DYNC2LI1: variants seen among roughly 807,000 people sequenced by gnomAD.
The protein encoded by DYNC2LI1 is cytoplasmic dynein 2 light intermediate chain 1.
DYNC2LI1 carries 45 observed loss-of-function variants against 51.9 expected under a neutral mutation model. The observed-to-expected ratio is 0.87, with a 90% CI of 0.68 to 1.11. The LOEUF (loss-of-function observed/expected upper bound fraction) is 1.11. Among genes scored for constraint, DYNC2LI1 ranks in the 50% most tolerant of loss-of-function variants. DYNC2LI1 has a pLI of 0.00. For missense variants in DYNC2LI1, 490 were observed against 417.4 expected (o/e 1.17, Z -1.51); for synonymous variants, 130 against 137.8 (o/e 0.94, Z 0.40).
intron 11 of DYNC2LI1, 86 bp from the exon 12 acceptor site, chr2:43,805,068 G>T: frequency 1.2e-6 from 1 of 830,398 alleles, no homozygotes; most frequent in Non-Finnish European, 2.0e-6. Flanking sequence ...GCAGGCTGAG[G>T]AATGGGAGCT....
At chr2:43,826,615 G>T in the DYNC2LI1 span, 1 of 1,572,840 alleles carries the variant, frequency 6.4e-7, no homozygotes, top group Non-Finnish European at 8.7e-7. Flanking sequence ...TATTGAGTTT[G>T]TACCCCATTC....
intron 8 of DYNC2LI1, among the ~76,000 whole-genome samples, chr2:43,797,300 C>G (rs1317956444): frequency 1.3e-5 from 2 of 152,062 alleles, no homozygotes; most frequent in Non-Finnish European, 2.9e-5. Context: ...TTCACTTAAG[C>G]CTCATTGTCC....
chr2:43,805,104 T>C (rs376407986), intron 11 of DYNC2LI1, 50 bp from the exon 12 acceptor site: 12 of 1,209,294 alleles, frequency 9.9e-6, no homozygotes, highest in African/African-American at 9.1e-5. Flanking sequence ...ATGGTAGCCA[T>C]TGAATTTTGG....
In DYNC2LI1 at chr2:43,787,308, A is replaced by G. The variant is rs191885632; in HGVS notation, c.231+58A>G. 2.0e-4 allele frequency: 272 copies of G among 1,375,892 alleles called. 5 individuals carry two copies. The East Asian group carries it at 5.0e-3, about 25-fold the overall frequency. 85.2% of individuals were successfully genotyped at this position (1,375,892 alleles called of 1,614,324 possible). A position where few individuals can be genotyped will look rare whatever the true frequency, so the allele number is the denominator to read the frequency against. Reference sequence around the variant, plus strand: ...CATAGATGGGAAAGTAATGCTGCTGACTTTGTTTTACATTTTCCATCTCAT... The same window carrying G: ...CATAGATGGGAAAGTAATGCTGCTGGCTTTGTTTTACATTTTCCATCTCAT... On this transcript the variant is annotated intron_variant, in intron 4 of 12. Coordinates refer to ENST00000260605, the MANE Select transcript of DYNC2LI1 (RefSeq NM_016008.4).
chr2:43,795,227 A>T (rs1673977481), intron 6 of DYNC2LI1: 1 of 983,664 alleles, frequency 1.0e-6, no homozygotes, highest in Non-Finnish European at 1.2e-6. Context: ...AAAGTGTAGC[A>T]GGGTGCGATG....
chr2:43,815,853 T>C, the DYNC2LI1 span, among the ~76,000 whole-genome samples: 1 of 142,422 alleles, frequency 7.0e-6, no homozygotes, highest in Admixed American at 7.3e-5. Context: ...CTGAGAAAAT[T>C]AACGTGACTC....
At chr2:43,828,129 A>G in the DYNC2LI1 span, 1 of 1,613,708 alleles carries the variant, frequency 6.2e-7, no homozygotes, top group Non-Finnish European at 8.5e-7. Context: ...CAGGAGACAC[A>G]AATTACAGGA....
chr2:43,800,710 C>T, intron 8 of DYNC2LI1, 131 bp from the exon 9 acceptor site: 1 of 495,860 alleles, frequency 2.0e-6, no homozygotes, highest in Non-Finnish European at 3.5e-6. Flanking sequence ...TCTACTCAAA[C>T]AGAAGTATTT....
the DYNC2LI1 span, among the ~76,000 whole-genome samples, chr2:43,820,467 C>T: frequency 6.6e-6 from 1 of 152,120 alleles, no homozygotes; most frequent in Admixed American, 6.6e-5. Flanking sequence ...ACCACACCTA[C>T]CTAATGTTAA....
Position 43,809,733 on chromosome 2 carries a change from C to T in DYNC2LI1, c.1022C>T (p.Ser341Phe). The change falls in exon 13 of 13, where the codon TCC (serine) becomes TTC (phenylalanine). Residue 341 changes from serine (S) to phenylalanine (F), a missense_variant. Physicochemically the swap from Ser to Phe is radical, Grantham distance 155. Transcript: ENST00000260605. ...LELEQYKRSSSKSWKQIELDS is the reference protein window; with the variant it reads ...LELEQYKRSSFKSWKQIELDS ...CTGGAACAGTACAAAAGAAGTTCTT[C>T]CAAGTCTTGGAAACAAATCGAGCTT... 1 of 1,612,084 alleles carries T rather than the reference C, an allele frequency of 6.2e-7. No homozygotes were observed. Among genetic ancestry groups the T allele is most frequent in the East Asian group, 2.2e-5 (1 of 44,718 alleles).
downstream of DYNC2LI1, chr2:43,810,312 A>G: frequency 1.0e-6 from 1 of 968,772 alleles, no homozygotes; most frequent in Non-Finnish European, 1.2e-6. Flanking sequence ...GGGCATTTTT[A>G]ATCAGCACCA....
chr2:43,812,926 A>C, downstream of DYNC2LI1: 1 of 598,480 alleles, frequency 1.7e-6, no homozygotes, highest in South Asian at 2.0e-5. Flanking sequence ...TTGTAAGAGC[A>C]AGGGACTATA....
At chr2:43,786,416 A>C (rs561884159) in intron 3 of DYNC2LI1, among the ~76,000 whole-genome samples, 1 of 152,016 alleles carries the variant, frequency 6.6e-6, no homozygotes, top group Non-Finnish European at 1.5e-5. Context: ...TCATGGACTC[A>C]AGCAATTTAC....
chr2:43,788,713 G>A (rs1300048447), intron 4 of DYNC2LI1, among the ~76,000 whole-genome samples: 3 of 152,050 alleles, frequency 2.0e-5, no homozygotes, highest in Non-Finnish European at 4.4e-5. Context: ...TCAAACTCCT[G>A]GGCTCAAAGA....
At chr2:43,802,778 A>G (rs1403250440) in intron 10 of DYNC2LI1, among the ~76,000 whole-genome samples, 1 of 152,222 alleles carries the variant, frequency 6.6e-6, no homozygotes, top group Non-Finnish European at 1.5e-5. Flanking sequence ...TTCAAACCAC[A>G]TATATGACAA....
chr2:43,776,017 T>G (rs1558658919), intron 1 of DYNC2LI1, among the ~76,000 whole-genome samples: 1 of 151,816 alleles, frequency 6.6e-6, no homozygotes, highest in Non-Finnish European at 1.5e-5. Flanking sequence ...AGCCAATTTT[T>G]TTTGTTTGTT....
At chr2:43,823,792 G>T in the DYNC2LI1 span, 5 of 1,164,730 alleles carry the variant, frequency 4.3e-6, no homozygotes, top group African/African-American at 6.2e-5. Context: ...GAGGGAACCT[G>T]GAGAGGGCTG....
the DYNC2LI1 span, chr2:43,823,996 C>A: frequency 6.2e-7 from 1 of 1,614,200 alleles, no homozygotes; most frequent in South Asian, 1.1e-5. Context: ...CTGGATAGCA[C>A]CCTTTAGCAC....
intron 12 of DYNC2LI1, among the ~76,000 whole-genome samples, chr2:43,808,761 T>G (rs1666366756): frequency 6.6e-6 from 1 of 152,190 alleles, no homozygotes; most frequent in South Asian, 2.1e-4. Context: ...TGTTTTCATG[T>G]GGCCACTGTT....
Sources: gnomAD v4.1 joint callset for allele counts (sites outside exome capture counted in the v4.1 genomes callset) on GRCh38, gnomAD v4.1.1 for gene constraint, MANE v1.5 for transcripts, NCBI Gene and HGNC (gene_info 2026-07-23, HGNC 2026-07-21) for gene names.